Variants in ZAP70 observed in about 807,000 individuals in gnomAD.
The protein encoded by ZAP70 is tyrosine-protein kinase ZAP-70.
In ZAP70, 27 loss-of-function variants were observed where a neutral mutation model predicts 65.8. The ratio of observed to expected loss-of-function variants is 0.41; its 90% CI spans 0.30 to 0.57. The LOEUF is 0.57. Among genes scored for constraint, ZAP70 ranks in the 20% least tolerant of loss-of-function variants. ZAP70 has a pLI of 0.28. For missense variants in ZAP70, 696 were observed against 870.5 expected (o/e 0.80, Z 2.52); for synonymous variants, 363 against 360.8 (o/e 1.01, Z -0.07).
rs201595417 is a variant in ZAP70, at chr2:97,739,518, G to A, written c.*20G>A. ...GCCTGAGCTCCCGCTGCCCAGGGGA[G>A]CCCTCCACGCCGGCTCTTCCCCACC... On this transcript the variant is annotated 3_prime_UTR_variant, in exon 14 of 14. Transcript: ENST00000264972. 34 of 1,608,608 alleles carry A rather than the reference G, an allele frequency of 2.1e-5. No homozygotes were observed. In the African/African-American group the frequency reaches 4.3e-4, roughly 20 times the overall value.
chr2:97,716,966 T>C (rs1159093584), intron 2 of ZAP70, among the ~76,000 whole-genome samples: 1 of 152,164 alleles, frequency 6.6e-6, no homozygotes, highest in African/African-American at 2.4e-5. Context: ...GACCATGTGG[T>C]GGGTCCACGA....
intron 8 of ZAP70, 54 bp downstream of exon 8, chr2:97,733,649 G>A: frequency 6.2e-7 from 1 of 1,610,484 alleles, no homozygotes; most frequent in Non-Finnish European, 8.5e-7. Flanking sequence ...GCCGAGATCA[G>A]GGTCGCTGTC....
chr2:97,744,348 C>A (rs192213568), downstream of ZAP70, among the ~76,000 whole-genome samples: 3 of 152,294 alleles, frequency 2.0e-5, no homozygotes, highest in Non-Finnish European at 4.4e-5. Context: ...AAAACCAAAA[C>A]TGGCAGATTA....
At chr2:97,739,930 G>T (rs568559603), downstream of ZAP70, 132 of 202,460 alleles carry the variant, frequency 6.5e-4, no homozygotes, top group African/African-American at 2.9e-3. Flanking sequence ...AAAAGTGCAT[G>T]GAGGTGACTG....
At chr2:97,717,317 T>TGGGGACATGTCAAGCCTCTGGCTGG (rs1553571594) in intron 2 of ZAP70, among the ~76,000 whole-genome samples, 23 of 139,486 alleles carry the variant, frequency 1.6e-4, no homozygotes, top group African/African-American at 8.4e-5. Context: ...GAGCCTTGGA[T>TGGGGACATGTCAAGCCTCTGGCTGG]GGGGACATGT....
intron 4 of ZAP70, among the ~76,000 whole-genome samples, chr2:97,727,415 G>GCAGTA (rs1456592462): frequency 6.6e-6 from 1 of 152,214 alleles, no homozygotes; most frequent in Non-Finnish European, 1.5e-5. Context: ...GCTCCATCTT[G>GCAGTA]CAGTACATGG....
chr2:97,724,283 C>G lies in ZAP70; in HGVS notation c.247C>G (p.Leu83Val). ...GGKAHCGPAELCEFYSRDPDG... is the reference protein window; with the variant it reads ...GGKAHCGPAEVCEFYSRDPDG... ...CAAAGCGCACTGTGGACCGGCAGAG[C>G]TCTGCGAGTTCTACTCGCGCGACCC... Residue 83 changes from leucine (L) to valine (V), a missense_variant, in exon 3 of 14, where the codon CTC (leucine) becomes GTC (valine). Physicochemically the swap from Leu to Val is conservative, Grantham distance 32. Around this residue, in one of 3 missense-constraint regions of ZAP70, gnomAD observed 551 missense variants for 630.0 expected, o/e 0.87. Transcript: ENST00000264972. 1 of 1,601,876 alleles carries G rather than the reference C, an allele frequency of 6.2e-7. No individual in the cohort carries two copies. The highest frequency in any genetic ancestry group is 2.2e-5 in the East Asian group (1 of 44,710).
Position 97,725,153 on chromosome 2 carries a change from C to T in ZAP70, c.464C>T (p.Thr155Met), listed in dbSNP as rs145955907. 1,950 of 1,614,160 alleles carry T rather than the reference C, an allele frequency of 1.2e-3. 26 individuals are homozygous for T. The highest frequency in any genetic ancestry group is 4.7e-4 in the Non-Finnish European group (557 of 1,180,024). Residue 155 changes from threonine (T) to methionine (M), a missense_variant, in exon 4 of 14, where the codon ACG (threonine) becomes ATG (methionine). Coordinates refer to ENST00000264972, the MANE Select transcript of ZAP70 (RefSeq NM_001079.4). Reference protein sequence around the residue: ...QAPQVEKLIATTAHERMPWYH... With the variant: ...QAPQVEKLIAMTAHERMPWYH... ...CCGCAGGTGGAGAAGCTCATTGCTA[C>T]GACGGCCCACGAGCGGATGCCCTGG...
At chr2:97,716,717 C>CG (rs1559315321) in intron 2 of ZAP70, among the ~76,000 whole-genome samples, 1 of 151,892 alleles carries the variant, frequency 6.6e-6, no homozygotes, top group Non-Finnish European at 1.5e-5. Flanking sequence ...GAGTGAGTGG[C>CG]GGGGGGTGGT....
downstream of ZAP70, among the ~76,000 whole-genome samples, chr2:97,743,524 T>G (rs923858717): frequency 1.3e-5 from 2 of 152,086 alleles, no homozygotes; most frequent in Non-Finnish European, 2.9e-5. Context: ...TTAGTAGAGA[T>G]AGGGTTTCAC....
At chr2:97,743,361 G>A (rs1267149035), downstream of ZAP70, among the ~76,000 whole-genome samples, 1 of 152,156 alleles carries the variant, frequency 6.6e-6, no homozygotes, top group African/African-American at 2.4e-5. Context: ...TTGAGATAAA[G>A]TTTTGCTCTT....
At chr2:97,746,809 T>TA in the ZAP70 span, among the ~76,000 whole-genome samples, 3 of 152,224 alleles carry the variant, frequency 2.0e-5, no homozygotes, top group Admixed American at 2.0e-4. Flanking sequence ...ATGGGCCTAG[T>TA]ACTTGCAAAT....
Position 97,738,144 on chromosome 2 carries a change from C to A in ZAP70, c.1736+37C>A, listed in dbSNP as rs373912912. The A allele has an allele frequency of 7.1e-6, 11 of 1,555,092 alleles. No individual in the cohort carries two copies. The East Asian group carries it at 7.1e-5, about 10-fold the overall frequency. Reference sequence around the variant, plus strand: ...TGGGGAGGGGACCCGGCTGGGCTGACCCCTGGAAAGTCCTGGTGCCCGATG... The same window carrying A: ...TGGGGAGGGGACCCGGCTGGGCTGAACCCTGGAAAGTCCTGGTGCCCGATG... On this transcript the variant is annotated intron_variant, in intron 13 of 13. Coordinates refer to ENST00000264972, the MANE Select transcript of ZAP70 (RefSeq NM_001079.4).
chr2:97,738,316 C>T (rs1677996407), intron 13 of ZAP70: 1 of 615,568 alleles, frequency 1.6e-6, no homozygotes, highest in Non-Finnish European at 2.9e-6. Context: ...CACACCCTGC[C>T]ATCCCACCTG....
At chr2:97,746,084 G>A in the ZAP70 span, among the ~76,000 whole-genome samples, 1 of 152,172 alleles carries the variant, frequency 6.6e-6, no homozygotes, top group African/African-American at 2.4e-5. Context: ...GACAAACATC[G>A]TATGGTTCCA....
chr2:97,749,212 T>C, the ZAP70 span, among the ~76,000 whole-genome samples: 2 of 152,020 alleles, frequency 1.3e-5, no homozygotes, highest in Non-Finnish European at 2.9e-5. Context: ...GGTTTCACCG[T>C]GTTAGCCAGG....
In ZAP70 at chr2:97,739,432, C is replaced by T; in HGVS notation, c.1794C>T (p.Tyr598=). 6.2e-7 allele frequency: 1 copy of T among 1,613,842 alleles called. No homozygotes were observed. The highest frequency in any genetic ancestry group is 1.1e-5 in the South Asian group (1 of 91,086). ...TVEQRMRACY[Y]SLASKVEGPP... is the part of the protein sequence containing the mutation. The stretch of plus-strand genomic sequence containing the variant: ...AGCAGCGCATGCGAGCCTGTTACTA[C>T]AGCCTGGCCAGCAAGGTGGAAGGGC... The change falls in exon 14 of 14, where the codon TAC becomes TAT. Residue 598 remains tyrosine (Y), a synonymous_variant. Transcript: ENST00000264972.
At chr2:97,727,297 A>C (rs760190890) in intron 4 of ZAP70, among the ~76,000 whole-genome samples, 1 of 152,260 alleles carries the variant, frequency 6.6e-6, no homozygotes, top group Non-Finnish European at 1.5e-5. Flanking sequence ...TGGATGAAGC[A>C]AGTTGTCGTG....
the ZAP70 span, among the ~76,000 whole-genome samples, chr2:97,745,681 C>T: frequency 1.3e-5 from 2 of 152,134 alleles, no homozygotes; most frequent in Admixed American, 6.5e-5. Flanking sequence ...GAGGGTGTGG[C>T]GAAATTGGAA....
Sources: allele counts gnomAD v4.1 joint callset (sites outside exome capture counted in the v4.1 genomes callset), GRCh38; gene constraint gnomAD v4.1.1; regional missense constraint gnomAD v4.1.1; transcripts MANE v1.5; gene names NCBI Gene and HGNC (gene_info 2026-07-23, HGNC 2026-07-21).